The following ST6GAL1 variants were observed in gnomAD, a reference collection of about 807,000 sequenced individuals.
The protein encoded by ST6GAL1 is beta-galactoside alpha-2,6-sialyltransferase 1.
In ST6GAL1, 20 loss-of-function variants were observed where a neutral mutation model predicts 38.0. That is an observed-to-expected ratio of 0.53 (90% CI 0.37 to 0.77). The LOEUF (loss-of-function observed/expected upper bound fraction) is 0.77. ST6GAL1 is among the 30% of genes least tolerant of loss of function. The pLI is 0.00. For synonymous variants in ST6GAL1, 196 were observed against 188.2 expected (o/e 1.04, Z -0.34); for missense variants, 432 against 496.4 (o/e 0.87, Z 1.23).
At chr3:186,973,655 G>A (rs976379127) in intron 2 of ST6GAL1, among the ~76,000 whole-genome samples, 1 of 152,172 alleles carries the variant, frequency 6.6e-6, no homozygotes, top group African/African-American at 2.4e-5. Context: ...TTTGTAGATT[G>A]TTGTGAGGGC....
At chr3:186,979,623 C>T (rs963532856) in intron 2 of ST6GAL1, among the ~76,000 whole-genome samples, 7 of 152,140 alleles carry the variant, frequency 4.6e-5, no homozygotes, top group Admixed American at 6.6e-5. Flanking sequence ...GTAGCATCTG[C>T]GTAATAGCTG....
intron 1 of ST6GAL1, among the ~76,000 whole-genome samples, chr3:186,960,747 G>GT (rs1443446754): frequency 2.7e-5 from 4 of 150,884 alleles, no homozygotes; most frequent in Non-Finnish European, 5.9e-5. Flanking sequence ...GTAGATTTTT[G>GT]TTTCGTTTTG....
At chr3:187,015,138 T>C (rs1322483648) in intron 2 of ST6GAL1, among the ~76,000 whole-genome samples, 1 of 152,192 alleles carries the variant, frequency 6.6e-6, no homozygotes, top group Non-Finnish European at 1.5e-5. Flanking sequence ...TCCTAATACA[T>C]GGAGGGTACA....
intron 2 of ST6GAL1, among the ~76,000 whole-genome samples, chr3:186,985,735 A>T (rs1234009389): frequency 6.6e-6 from 1 of 150,868 alleles, no homozygotes; most frequent in Non-Finnish European, 1.5e-5. Flanking sequence ...AGATTGCGCC[A>T]CTGCGCTCCA....
At chr3:187,044,288 A>ATGT (rs1489881625) in intron 4 of ST6GAL1, among the ~76,000 whole-genome samples, 4 of 152,238 alleles carry the variant, frequency 2.6e-5, no homozygotes, top group Admixed American at 2.6e-4. Context: ...AAGCACAGGA[A>ATGT]GCTTTGCTCC....
At chr3:186,937,764 G>T (rs1714017636) in intron 1 of ST6GAL1, among the ~76,000 whole-genome samples, 1 of 152,100 alleles carries the variant, frequency 6.6e-6, no homozygotes, top group Non-Finnish European at 1.5e-5. Context: ...TATTGTAATT[G>T]ACACTGTGAT....
chr3:186,992,296 C>T (rs1325408321), intron 2 of ST6GAL1, among the ~76,000 whole-genome samples: 1 of 152,124 alleles, frequency 6.6e-6, no homozygotes, highest in African/African-American at 2.4e-5. Context: ...TTGGTACTTC[C>T]TCCTGCTGCC....
chr3:186,991,431 AG>A (rs1716165043), intron 2 of ST6GAL1, among the ~76,000 whole-genome samples: 1 of 152,134 alleles, frequency 6.6e-6, no homozygotes, highest in Admixed American at 6.5e-5. Flanking sequence ...AGCACAGGGA[AG>A]GGTTCCTAAC....
intron 2 of ST6GAL1, among the ~76,000 whole-genome samples, chr3:186,972,452 G>C (rs1438570735): frequency 6.6e-6 from 1 of 152,078 alleles, no homozygotes; most frequent in Non-Finnish European, 1.5e-5. Context: ...GTTTTGCCAT[G>C]TTGACCAGGC....
intron 2 of ST6GAL1, among the ~76,000 whole-genome samples, chr3:187,036,443 T>C (rs567200234): frequency 6.6e-6 from 1 of 152,358 alleles, no homozygotes; most frequent in African/African-American, 2.4e-5. Context: ...AAAAGAGACA[T>C]GCACTTGTGT....
rs943360647 is a variant in ST6GAL1 at position 186,987,144 on chromosome 3, G to A, written c.-183+23218G>A. 1.5e-4 allele frequency among the ~76,000 whole-genome samples: 21 copies of A among 140,832 alleles called. No homozygotes were observed. The South Asian group carries it at 2.2e-3, about 15-fold the overall frequency. 92.4% of individuals were successfully genotyped at this position (140,832 alleles called of 152,430 possible). A position where few individuals can be genotyped will look rare whatever the true frequency, so the allele number is the denominator to read the frequency against. On this transcript the variant is annotated intron_variant, in intron 2 of 7. Transcript: ENST00000169298. ...CATAGGAAAGGAAGGAAAGAAAGAA[G>A]GAAGGGAGGGAGGGAGGAAGAAAGA...
chr3:187,059,690 T>C (rs569186829), intron 5 of ST6GAL1, among the ~76,000 whole-genome samples: 1 of 152,354 alleles, frequency 6.6e-6, no homozygotes, highest in South Asian at 2.1e-4. Context: ...AAGAAAAATC[T>C]GTGCAAAGCA....
chr3:187,042,550 C>G, intron 3 of ST6GAL1, 104 bp from the exon 4 acceptor site: 1 of 1,132,926 alleles, frequency 8.8e-7, no homozygotes, highest in Non-Finnish European at 1.2e-6. Context: ...GGCTGGAATT[C>G]AAGTCACCTC....
At chr3:187,011,003 G>A (rs1475564643) in intron 2 of ST6GAL1, among the ~76,000 whole-genome samples, 3 of 152,104 alleles carry the variant, frequency 2.0e-5, no homozygotes, top group African/African-American at 4.8e-5. Context: ...TCTCTTGGCC[G>A]CCGGCTAAAT....
rs938592708 is a variant in ST6GAL1 at position 187,051,320 on chromosome 3, A to G, written c.679A>G (p.Thr227Ala). 1.2e-6 allele frequency: 2 copies of G among 1,614,152 alleles called. No homozygotes were observed. The highest frequency in any genetic ancestry group is 1.7e-6 in the Non-Finnish European group (2 of 1,180,010). Residue 227 changes from threonine (T) to alanine (A), a missense_variant, in exon 5 of 8, where the codon ACT (threonine) becomes GCT (alanine). Coordinates refer to ENST00000169298, the MANE Select transcript of ST6GAL1 (RefSeq NM_173216.2). ...ANFQQDVGTK[T>A]TIRLMNSQLV... ...CTTCCAACAAGATGTGGGCACAAAA[A>G]CTACCATTCGCCTGATGAACTCTCA...
chr3:187,004,040 T>G (rs1240888938), intron 2 of ST6GAL1, among the ~76,000 whole-genome samples: 1 of 152,188 alleles, frequency 6.6e-6, no homozygotes, highest in Non-Finnish European at 1.5e-5. Flanking sequence ...GGTGTGGATC[T>G]TTCATGGCTT....
intron 3 of ST6GAL1, among the ~76,000 whole-genome samples, 159 bp from the exon 4 acceptor site, chr3:187,042,495 G>A (rs1218904740): frequency 1.3e-5 from 2 of 152,080 alleles, no homozygotes; most frequent in Non-Finnish European, 2.9e-5. Context: ...GACTTTTGTC[G>A]AGAATTGCTT....
chr3:186,947,939 A>C lies in ST6GAL1; in HGVS notation c.-324-15846A>C, dbSNP rs1015231909. On this transcript the variant is annotated intron_variant, in intron 1 of 7. Coordinates refer to ENST00000169298, the MANE Select transcript of ST6GAL1 (RefSeq NM_173216.2). ...GTTCACAGTCATAGACACAGCCCCTACAGGGTTGACACAAACAACCTGGTC... is the reference window on the plus strand; with the variant it reads ...GTTCACAGTCATAGACACAGCCCCTCCAGGGTTGACACAAACAACCTGGTC... Among the ~76,000 whole-genome samples, 12 of 152,332 alleles carry C rather than the reference A, an allele frequency of 7.9e-5. 1 individual carries two copies. The highest frequency in any genetic ancestry group is 2.6e-4 in the African/African-American group (11 of 41,572).
chr3:187,043,850 T>C (rs1343067536), intron 4 of ST6GAL1: 2 of 152,334 alleles, frequency 1.3e-5, no homozygotes, highest in African/African-American at 4.8e-5. Flanking sequence ...TCCTGATTAG[T>C]GGAGGACTCT....
Sources: allele counts gnomAD v4.1 joint callset (sites outside exome capture counted in the v4.1 genomes callset), GRCh38; gene constraint gnomAD v4.1.1; transcripts MANE v1.5; gene names NCBI Gene and HGNC (gene_info 2026-07-23, HGNC 2026-07-21).